The following A4GALT variants were observed in gnomAD, a reference collection of about 807,000 sequenced individuals.
The protein encoded by A4GALT is alpha 1,4-galactosyltransferase (P1PK blood group).
For missense variants in A4GALT, 512 were observed against 486.0 expected (o/e 1.05, Z -0.50); for synonymous variants, 257 against 220.7 (o/e 1.16, Z -1.46).
At chr22:42,715,046 G>C (rs553250829) in intron 1 of A4GALT, among the ~76,000 whole-genome samples, 69 of 151,584 alleles carry the variant, frequency 4.6e-4, no homozygotes, top group African/African-American at 1.7e-3. Flanking sequence ...ATGTGGGGTG[G>C]GGGGGTTCCA....
chr22:42,716,113 T>C (rs1200772904), intron 1 of A4GALT, among the ~76,000 whole-genome samples: 1 of 152,188 alleles, frequency 6.6e-6, no homozygotes, highest in Non-Finnish European at 1.5e-5. Context: ...ATTACAGGCA[T>C]GAACCACTGC....
Position 42,693,083 on chromosome 22 carries a change from T to C in A4GALT, c.869A>G (p.Gln290Arg). The C allele has an allele frequency of 6.2e-7, 1 of 1,612,176 alleles. No homozygotes were observed. The highest frequency in any genetic ancestry group is 8.5e-7 in the Non-Finnish European group (1 of 1,178,910). Residue 290 changes from glutamine (Q) to arginine (R), a missense_variant, in exon 3 of 3, where the codon CAG becomes CGG. Physicochemically the swap from Gln to Arg is conservative, Grantham distance 43. Coordinates refer to ENST00000642412, the MANE Select transcript of A4GALT (RefSeq NM_017436.7). ...GTCCTCAAAGTACTTCTTCCAGTCC[T>C]GCCAGGGGATGGGGTAGAAGGCCTC... is the stretch of plus-strand genomic sequence containing the variant. ...PPEAFYPIPW[Q>R]DWKKYFEDIN...
chr22:42,712,195 C>T (rs1921756644), intron 1 of A4GALT, among the ~76,000 whole-genome samples: 1 of 152,184 alleles, frequency 6.6e-6, no homozygotes, highest in African/African-American at 2.4e-5. Flanking sequence ...TCTAGCTCCC[C>T]ACAGGAAGCT....
chr22:42,695,173 C>T (rs9611843), intron 2 of A4GALT: 58,476 of 139,736 alleles, frequency 0.42, 11,684 homozygotes, highest in African/African-American at 0.55. Context: ...TAACAGCCAG[C>T]GGGATCACCA....
At chr22:42,699,963 G>A (rs1183832428) in intron 1 of A4GALT, among the ~76,000 whole-genome samples, 1 of 152,152 alleles carries the variant, frequency 6.6e-6, no homozygotes, top group Non-Finnish European at 1.5e-5. Flanking sequence ...CTGCTGAGCT[G>A]AGAGAGGATG....
At position 42,693,472 on chromosome 22, in the gene A4GALT, C is replaced by T. The variant is rs780370330; in HGVS notation, c.480G>A (p.Ala160=). The change falls in exon 3 of 3, where the codon GCG becomes GCA. Residue 160 remains alanine (A), a synonymous_variant. Coordinates refer to ENST00000642412, the MANE Select transcript of A4GALT (RefSeq NM_017436.7). ...FRDTPLADWY[A]AVQGRWEPYL... is the part of the protein sequence containing the mutation. ...AGGGCTCCCAGCGCCCCTGCACGGC[C>T]GCGTACCAGTCGGCCAGGGGTGTGT... 8 of 1,612,982 alleles carry T rather than the reference C, an allele frequency of 5.0e-6. No homozygotes were observed. The highest frequency in any genetic ancestry group is 1.6e-4 in the Middle Eastern group (1 of 6,082).
At chr22:42,695,692 CT>C (rs2072214885) in intron 1 of A4GALT, 61 bp from the exon 2 acceptor site, 2 of 152,226 alleles carry the variant, frequency 1.3e-5, no homozygotes, top group Non-Finnish European at 2.9e-5. Context: ...CCTCGTCCCC[CT>C]GGCCACACAG....
At chr22:42,713,430 G>T (rs1357686232) in intron 1 of A4GALT, among the ~76,000 whole-genome samples, 1 of 152,220 alleles carries the variant, frequency 6.6e-6, no homozygotes, top group African/African-American at 2.4e-5. Flanking sequence ...CCTCTCCAAG[G>T]TCAGGGAATA....
At chr22:42,694,895 A>T (rs1250402342) in intron 2 of A4GALT, 1 of 152,212 alleles carries the variant, frequency 6.6e-6, no homozygotes, top group Non-Finnish European at 1.5e-5. Context: ...CATCTCACAC[A>T]TAGGAACATG....
chr22:42,699,950 T>A (rs533928308), intron 1 of A4GALT, among the ~76,000 whole-genome samples: 1 of 152,318 alleles, frequency 6.6e-6, no homozygotes, highest in Admixed American at 6.5e-5. Context: ...TTCTCCTGCC[T>A]CACTGCTGAG....
intron 1 of A4GALT, among the ~76,000 whole-genome samples, chr22:42,719,770 G>C (rs9611844): frequency 0.13 from 19,864 of 152,168 alleles, 1,450 homozygotes; most frequent in African/African-American, 0.19. Flanking sequence ...GGAACGGGAA[G>C]GCCAGACCTG....
At chr22:42,700,487 C>G (rs186108763) in intron 1 of A4GALT, among the ~76,000 whole-genome samples, 1 of 152,262 alleles carries the variant, frequency 6.6e-6, no homozygotes, top group South Asian at 2.1e-4. Flanking sequence ...CAAGGTGGGG[C>G]GCATCAGTGA....
At chr22:42,706,720 G>A (rs1260056698) in intron 1 of A4GALT, among the ~76,000 whole-genome samples, 1 of 151,420 alleles carries the variant, frequency 6.6e-6, no homozygotes, top group African/African-American at 2.4e-5. Flanking sequence ...ACTTGAAACT[G>A]GGAGGCGGAG....
chr22:42,710,043 C>T (rs970976694), intron 1 of A4GALT, among the ~76,000 whole-genome samples: 3 of 152,102 alleles, frequency 2.0e-5, no homozygotes, highest in Non-Finnish European at 4.4e-5. Flanking sequence ...AGCCAGGAAC[C>T]AGCTTCATAC....
chr22:42,693,029 A>G lies in A4GALT; in HGVS notation c.923T>C (p.Leu308Pro), dbSNP rs1930572411. 5 of 1,613,558 alleles carry G rather than the reference A, an allele frequency of 3.1e-6. No homozygotes were observed. In the South Asian group the frequency reaches 3.3e-5, roughly 11 times the overall value. Residue 308 changes from leucine to proline, a missense_variant, in exon 3 of 3, where the codon CTC becomes CCC. Leu to Pro is a moderately conservative substitution (Grantham distance 98). Coordinates refer to ENST00000642412, the MANE Select transcript of A4GALT (RefSeq NM_017436.7). ...CACGTGGACAGCATAGGTGGCACTG[A>G]GCAGCCGCGGCAGCTCCTCGGGGTT... ...DINPEELPRLLSATYAVHVWN... is the reference protein window; with the variant it reads ...DINPEELPRLPSATYAVHVWN...
chr22:42,702,321 C>T (rs1042792744), intron 1 of A4GALT, among the ~76,000 whole-genome samples: 2 of 151,892 alleles, frequency 1.3e-5, no homozygotes, highest in Non-Finnish European at 2.9e-5. Flanking sequence ...GGGGCTCCCC[C>T]ACCAGAGGAA....
intron 1 of A4GALT, among the ~76,000 whole-genome samples, chr22:42,700,935 G>C (rs1382085327): frequency 6.6e-6 from 1 of 152,190 alleles, no homozygotes; most frequent in Non-Finnish European, 1.5e-5. Context: ...AGGTCAGGAA[G>C]CAGGGACATG....
At position 42,703,260 on chromosome 22, in the gene A4GALT, T is replaced by TTTTTG. The variant is rs1555887061; in HGVS notation, c.-187-7630_-187-7629insCAAAA. 2.7e-4 allele frequency among the ~76,000 whole-genome samples: 9 copies of TTTTTG among 33,934 alleles called. No individual in the cohort carries two copies. In the African/African-American group the frequency reaches 2.7e-3, roughly 10 times the overall value. 22.3% of individuals were successfully genotyped at this position (33,934 alleles called of 152,430 possible). A position where few individuals can be genotyped will look rare whatever the true frequency, so the allele number is the denominator to read the frequency against. ...TTTTTTTGTTGTTTGTTTGTTTTTG[T>TTTTTG]TTTTTTTTTTTTTGAGACAGAGTCT... On this transcript the variant is annotated intron_variant, in intron 1 of 2. Transcript: ENST00000642412.
chr22:42,719,511 T>TTC (rs1922495555), intron 1 of A4GALT, among the ~76,000 whole-genome samples: 1 of 119,650 alleles, frequency 8.4e-6, no homozygotes, highest in African/African-American at 2.6e-5. Context: ...TTCCTTTCTT[T>TTC]TCCTTTCTAT....
Sources: allele counts gnomAD v4.1 joint callset (sites outside exome capture counted in the v4.1 genomes callset), GRCh38; gene constraint gnomAD v4.1.1; transcripts MANE v1.5; gene names NCBI Gene and HGNC (gene_info 2026-07-23, HGNC 2026-07-21).